KICS2: variants seen among roughly 807,000 people sequenced by gnomAD.
KICS2 encodes KICSTOR subunit 2.
In KICS2, 13 loss-of-function variants were observed where a neutral mutation model predicts 31.4. That is an observed-to-expected ratio of 0.41 (90% CI 0.27 to 0.66). The LOEUF (loss-of-function observed/expected upper bound fraction) is 0.66, where lower values mean the gene tolerates loss of function less well. Ranked by LOEUF, KICS2 falls within the 30% of genes least tolerant of loss-of-function variation. KICS2 has a pLI of 0.28. For missense variants in KICS2, 455 were observed against 545.4 expected, an observed-to-expected ratio of 0.83 and a Z score of 1.65; for synonymous variants, 209 against 214.8, an observed-to-expected ratio of 0.97 and a Z score of 0.24.
intron 1 of KICS2, among the ~76,000 whole-genome samples, chr12:64,219,724 T>C (rs1430163632): frequency 6.6e-6 from 1 of 152,234 alleles, no homozygotes; most frequent in Non-Finnish European, 1.5e-5. Context: ...AATTTACATA[T>C]ACATCAAAAC....
intron 2 of KICS2, among the ~76,000 whole-genome samples, chr12:64,198,839 C>A (rs1399412513): frequency 6.6e-6 from 1 of 150,580 alleles, no homozygotes; most frequent in Non-Finnish European, 1.5e-5. Flanking sequence ...CGCAAATAAA[C>A]TAGAAAATCT....
intron 2 of KICS2, among the ~76,000 whole-genome samples, chr12:64,203,469 G>A (rs1373431595): frequency 6.6e-6 from 1 of 152,194 alleles, no homozygotes; most frequent in Non-Finnish European, 1.5e-5. Flanking sequence ...AATCACCTCA[G>A]CAAGTGATCC....
At chr12:64,196,559 G>A (rs1159050202) in intron 2 of KICS2, among the ~76,000 whole-genome samples, 1 of 151,796 alleles carries the variant, frequency 6.6e-6, no homozygotes, top group Non-Finnish European at 1.5e-5. Flanking sequence ...TCCTCCAAAG[G>A]AACACAGTTC....
At chr12:64,194,855 T>A (rs923639649) in intron 2 of KICS2, among the ~76,000 whole-genome samples, 197 bp from the exon 3 acceptor site, 4 of 152,166 alleles carry the variant, frequency 2.6e-5, no homozygotes, top group South Asian at 4.1e-4. Flanking sequence ...TATGTCAACA[T>A]CATATTCTCC....
At chr12:64,189,160 AAAAT>A (rs1182323574), downstream of KICS2, among the ~76,000 whole-genome samples, 4 of 152,208 alleles carry the variant, frequency 2.6e-5, no homozygotes, top group African/African-American at 7.2e-5. Context: ...TCCATCCCAA[AAAAT>A]AAATAAATAA....
intron 2 of KICS2, among the ~76,000 whole-genome samples, chr12:64,201,930 C>A (rs1472185229): frequency 6.6e-6 from 1 of 152,158 alleles, no homozygotes; most frequent in Non-Finnish European, 1.5e-5. Flanking sequence ...AGGATAAAAC[C>A]CCAAATCCGT....
chr12:64,211,557 T>C (rs796782170), intron 2 of KICS2, among the ~76,000 whole-genome samples: 17 of 152,214 alleles, frequency 1.1e-4, no homozygotes, highest in African/African-American at 4.1e-4. Context: ...AGGCGGAAGT[T>C]GCGGTGAGCC....
intron 2 of KICS2, among the ~76,000 whole-genome samples, chr12:64,211,910 C>G (rs1308479087): frequency 6.6e-6 from 1 of 152,066 alleles, no homozygotes; most frequent in Admixed American, 6.6e-5. Flanking sequence ...GTTAGATTTC[C>G]TGAATGTAAA....
downstream of KICS2, chr12:64,186,657 T>C (rs765746940): frequency 6.6e-6 from 1 of 152,116 alleles, no homozygotes; most frequent in Non-Finnish European, 1.5e-5. Flanking sequence ...AGTCTCATGG[T>C]TTTTCCAAAA....
intron 2 of KICS2, among the ~76,000 whole-genome samples, chr12:64,207,613 T>C (rs1231026428): frequency 2.6e-5 from 4 of 152,208 alleles, no homozygotes; most frequent in Non-Finnish European, 5.9e-5. Context: ...ACTTTGGACA[T>C]TGCTACTGGG....
intron 2 of KICS2, among the ~76,000 whole-genome samples, chr12:64,199,018 G>C (rs973765318): frequency 7.7e-6 from 1 of 130,650 alleles, no homozygotes; most frequent in African/African-American, 2.9e-5. Flanking sequence ...AATTCTACCA[G>C]AGGTACAAGG....
chr12:64,208,391 T>C (rs777581624), intron 2 of KICS2, among the ~76,000 whole-genome samples: 3 of 152,236 alleles, frequency 2.0e-5, no homozygotes, highest in African/African-American at 4.8e-5. Flanking sequence ...TTTGAAAAGA[T>C]AGGCTGGGGC....
At chr12:64,187,471 A>G, downstream of KICS2, 1 of 664,028 alleles carries the variant, frequency 1.5e-6, no homozygotes, top group South Asian at 1.9e-5. Flanking sequence ...TATCAAAAGC[A>G]GATTGAAAAA....
intron 1 of KICS2, among the ~76,000 whole-genome samples, chr12:64,217,813 GAAGAAAAGAA>G (rs377433656): frequency 2.3e-5 from 3 of 128,208 alleles, no homozygotes; most frequent in African/African-American, 8.7e-5. Flanking sequence ...GAAAAGAAAA[GAAGAAAAGAA>G]AAGAAAAGAA....
At chr12:64,208,442 T>C (rs1252102439) in intron 2 of KICS2, among the ~76,000 whole-genome samples, 1 of 152,222 alleles carries the variant, frequency 6.6e-6, no homozygotes, top group Non-Finnish European at 1.5e-5. Flanking sequence ...ACTATTAAAA[T>C]CTAAGCATGT....
intron 2 of KICS2, among the ~76,000 whole-genome samples, chr12:64,203,242 C>T (rs1328259314): frequency 6.6e-6 from 1 of 152,234 alleles, no homozygotes; most frequent in Non-Finnish European, 1.5e-5. Context: ...CTCATTGATT[C>T]TGCCTGCTGG....
rs2037388442 is a variant in KICS2, at chr12:64,192,464, G to T, written c.*1378C>A. ...CTGCCAGGCAGTCCACCCTAGGTGG[G>T]CAGGCTTCCTACATGGACTCTGAGG... On this transcript the variant is annotated 3_prime_UTR_variant, in exon 3 of 3. Coordinates refer to ENST00000398055, the MANE Select transcript of KICS2 (RefSeq NM_152440.5). 8.7e-6 allele frequency: 3 copies of T among 343,732 alleles called. No individual in the cohort carries two copies. The highest frequency in any genetic ancestry group is 2.2e-5 in the African/African-American group (1 of 44,988). 21.3% of individuals were successfully genotyped at this position (343,732 alleles called of 1,614,324 possible).
downstream of KICS2, chr12:64,187,624 C>T: frequency 1.3e-6 from 2 of 1,535,382 alleles, no homozygotes; most frequent in Non-Finnish European, 1.7e-6. Context: ...GGCAAAAGGC[C>T]ACGAAATAAT....
intron 2 of KICS2, among the ~76,000 whole-genome samples, chr12:64,213,445 C>T (rs1433220954): frequency 6.6e-6 from 1 of 152,102 alleles, no homozygotes; most frequent in East Asian, 1.9e-4. Flanking sequence ...ATAAAAGGTG[C>T]ACTATTTATA....
Sources: gnomAD v4.1 joint callset for allele counts (sites outside exome capture counted in the v4.1 genomes callset) on GRCh38, gnomAD v4.1.1 for gene constraint, MANE v1.5 for transcripts, NCBI Gene and HGNC (gene_info 2026-07-23, HGNC 2026-07-21) for gene names.